PIAS1: variants seen among roughly 807,000 people sequenced by gnomAD.
PIAS1 encodes E3 SUMO-protein ligase PIAS1.
PIAS1 carries 6 observed loss-of-function variants against 71.3 expected under a neutral mutation model. The observed-to-expected ratio is 0.08, with a 90% CI of 0.05 to 0.17. The LOEUF is 0.17. Ranked by LOEUF, PIAS1 falls within the 10% of genes least tolerant of loss-of-function variation. The pLI is 1.00. For synonymous variants in PIAS1, 303 were observed against 292.9 expected (o/e 1.03, Z -0.35); for missense variants, 555 against 793.6 (o/e 0.70, Z 3.61).
intron 1 of PIAS1, among the ~76,000 whole-genome samples, chr15:68,074,424 C>CT (rs1160806271): frequency 6.6e-6 from 1 of 152,184 alleles, no homozygotes; most frequent in Non-Finnish European, 1.5e-5. Context: ...CCACCTCAGC[C>CT]TCCTGAGTAG....
intron 2 of PIAS1, among the ~76,000 whole-genome samples, chr15:68,121,298 A>G (rs1595742086): frequency 7.1e-6 from 1 of 140,410 alleles, no homozygotes; most frequent in African/African-American, 2.7e-5. Context: ...CAAAAATTTT[A>G]CTCCACTTCT....
At chr15:68,110,584 G>A (rs1161349662) in intron 2 of PIAS1, among the ~76,000 whole-genome samples, 1 of 151,828 alleles carries the variant, frequency 6.6e-6, no homozygotes, top group Non-Finnish European at 1.5e-5. Flanking sequence ...CAACAACAGT[G>A]AAACTTCTTC....
intron 2 of PIAS1, among the ~76,000 whole-genome samples, chr15:68,136,010 C>T (rs554246819): frequency 4.3e-5 from 2 of 46,272 alleles, no homozygotes; most frequent in Admixed American, 1.8e-4. Context: ...GGATGGTGGC[C>T]GGGAAGAGGT....
chr15:68,172,971 T>C (rs1245577144), intron 8 of PIAS1, among the ~76,000 whole-genome samples: 1 of 152,234 alleles, frequency 6.6e-6, no homozygotes, highest in Non-Finnish European at 1.5e-5. Context: ...TGTGTGCACC[T>C]GCCTTCCTCC....
intron 12 of PIAS1, 59 bp from the exon 13 acceptor site, chr15:68,183,571 C>T (rs1409839578): frequency 7.2e-6 from 5 of 697,028 alleles, no homozygotes; most frequent in Non-Finnish European, 1.0e-5. Flanking sequence ...AGTATTGGGG[C>T]ATTTGGAAGA....
rs775705725 is a variant in PIAS1 at position 68,086,356 on chromosome 15, C to T, written c.75C>T (p.Tyr25=). 9.3e-6 allele frequency: 15 copies of T among 1,612,764 alleles called. No individual in the cohort carries two copies. The highest frequency in any genetic ancestry group is 5.0e-5 in the Admixed American group (3 of 59,768). Reference sequence around the variant, plus strand: ...CTGAACTCCAAGTACTGTTGGGCTACGCCGGGAGAAACAAGCACGGACGCA... The same window carrying T: ...CTGAACTCCAAGTACTGTTGGGCTATGCCGGGAGAAACAAGCACGGACGCA... ...RVSELQVLLG[Y]AGRNKHGRKH... is the part of the protein sequence containing the mutation. The change falls in exon 2 of 14, where the codon TAC becomes TAT. Residue 25 remains tyrosine, a synonymous_variant. Transcript: ENST00000249636. This position sits in a 1 kb window ranked among gnomAD's most constrained non-coding sequence, Gnocchi z 7.2.
At chr15:68,112,867 C>G (rs1456405127) in intron 2 of PIAS1, among the ~76,000 whole-genome samples, 1 of 152,102 alleles carries the variant, frequency 6.6e-6, no homozygotes, top group Non-Finnish European at 1.5e-5. Context: ...GGAAATAACA[C>G]ACAAATGCAT....
intron 7 of PIAS1, among the ~76,000 whole-genome samples, chr15:68,161,413 T>A (rs1475190784): frequency 6.6e-6 from 1 of 151,926 alleles, no homozygotes; most frequent in African/African-American, 2.4e-5. Context: ...AAGATCCCGG[T>A]AGGACCTTAA....
Position 68,172,018 on chromosome 15 carries a change from CTCA to C in PIAS1, c.1009-1709_1009-1707del, listed in dbSNP as rs1439087277. 3.3e-5 allele frequency among the ~76,000 whole-genome samples: 5 copies of C among 152,098 alleles called. No individual in the cohort carries two copies. The East Asian group carries it at 7.7e-4, about 24-fold the overall frequency. On this transcript the variant is annotated intron_variant, in intron 8 of 13. Transcript: ENST00000249636. ...CATATTGGTTTGCTGCACCCGTTAA[CTCA>C]TCATTTACATTAGGTATTTTTCCTA...
intron 5 of PIAS1, 57 bp downstream of exon 5, chr15:68,145,963 C>G: frequency 2.1e-6 from 2 of 965,462 alleles, no homozygotes; most frequent in Non-Finnish European, 3.4e-6. Context: ...TCAAATAAGT[C>G]ATCACAACTG....
intron 11 of PIAS1, among the ~76,000 whole-genome samples, chr15:68,179,873 C>T (rs1387066705): frequency 4.6e-5 from 7 of 151,836 alleles, no homozygotes; most frequent in African/African-American, 1.7e-4. Flanking sequence ...CCACCACGCC[C>T]GGCCCTCTTT....
chr15:68,059,709 CAAAAAAAAAA>C (rs770069635), intron 1 of PIAS1, among the ~76,000 whole-genome samples: 1 of 76,478 alleles, frequency 1.3e-5, no homozygotes, highest in African/African-American at 5.1e-5. Flanking sequence ...CCGTCTCAAA[CAAAAAAAAAA>C]AAAAAAAAAA....
At chr15:68,166,642 A>G (rs760871445) in intron 8 of PIAS1, among the ~76,000 whole-genome samples, 1 of 152,206 alleles carries the variant, frequency 6.6e-6, no homozygotes, top group Non-Finnish European at 1.5e-5. Context: ...AAAAGTGTTT[A>G]TAGTTGTACT....
At chr15:68,070,326 T>C (rs1018093252) in intron 1 of PIAS1, among the ~76,000 whole-genome samples, 2 of 152,336 alleles carry the variant, frequency 1.3e-5, no homozygotes, top group South Asian at 2.1e-4. Context: ...TCTTTGTGAA[T>C]TGAATTCTTG....
At chr15:68,072,283 C>G (rs1458862523) in intron 1 of PIAS1, among the ~76,000 whole-genome samples, 2 of 151,012 alleles carry the variant, frequency 1.3e-5, no homozygotes, top group Non-Finnish European at 2.9e-5. Flanking sequence ...ACCTGTAGTC[C>G]CAGCTACTCG....
rs184513405 is a variant in PIAS1 at position 68,096,104 on chromosome 15, C to T, written c.469+9354C>T. On this transcript the variant is annotated intron_variant, in intron 2 of 13. Transcript: ENST00000249636. Reference sequence around the variant, plus strand: ...AAATTAGTTTATTATCTCTATATGTCCTTTCAAGATAATCTGCAGTTCCTA... The same window carrying T: ...AAATTAGTTTATTATCTCTATATGTTCTTTCAAGATAATCTGCAGTTCCTA... 5.5e-4 allele frequency among the ~76,000 whole-genome samples: 83 copies of T among 152,266 alleles called. 3 individuals are homozygous for T. In the East Asian group the frequency reaches 0.015, roughly 28 times the overall value.
chr15:68,181,419 C>T (rs531201883), intron 12 of PIAS1, 65 bp downstream of exon 12: 3 of 1,488,432 alleles, frequency 2.0e-6, no homozygotes, highest in Middle Eastern at 1.7e-4. Flanking sequence ...ATATAATTCT[C>T]TTCTAGGTGA....
chr15:68,110,131 A>G (rs1448956114), intron 2 of PIAS1, among the ~76,000 whole-genome samples: 2 of 152,220 alleles, frequency 1.3e-5, no homozygotes, highest in African/African-American at 4.8e-5. Context: ...CATGCAGCTC[A>G]CTATGAGAAA....
In PIAS1 at chr15:68,086,252, G is replaced by A; in HGVS notation, c.25-54G>A. ...GGTTATAATAAAGTGTCATTTAATAGTGTAAATTATATTATTGGAATACTA... is the reference window on the plus strand; with the variant it reads ...GGTTATAATAAAGTGTCATTTAATAATGTAAATTATATTATTGGAATACTA... On this transcript the variant is annotated intron_variant, in intron 1 of 13. Transcript: ENST00000249636. The surrounding 1 kb of genome is among the most constrained non-coding windows in gnomAD (Gnocchi z 7.2). The A allele has an allele frequency of 8.2e-7, 1 of 1,218,026 alleles. No individual in the cohort carries two copies. The allele number at this position is 1,218,026 out of a possible 1,614,324, so 75.5% of individuals were successfully genotyped here.
Sources: allele counts gnomAD v4.1 joint callset (sites outside exome capture counted in the v4.1 genomes callset), GRCh38; gene constraint gnomAD v4.1.1; non-coding constraint Gnocchi (gnomAD v3.1); transcripts MANE v1.5; gene names NCBI Gene and HGNC (gene_info 2026-07-23, HGNC 2026-07-21).